Variants in MGAT4C observed in about 807,000 individuals in gnomAD.
The protein encoded by MGAT4C is MGAT4 family member C.
MGAT4C carries 19 observed loss-of-function variants against 40.1 expected under a neutral mutation model. The observed-to-expected ratio is 0.47, with a 90% confidence interval of 0.33 to 0.70. The LOEUF (loss-of-function observed/expected upper bound fraction) is 0.70. Ranked by LOEUF, MGAT4C falls within the 30% of genes least tolerant of loss-of-function variation. The pLI is 0.02. For synonymous variants in MGAT4C, 181 were observed against 187.1 expected, an observed-to-expected ratio of 0.97 and a Z score of 0.27; for missense variants, 491 against 563.2, an observed-to-expected ratio of 0.87 and a Z score of 1.30.
Position 86,446,904 on chromosome 12 carries a change from T to G in MGAT4C, c.-228-11639A>C, listed in dbSNP as rs111928898. On this transcript the variant is annotated intron_variant, in intron 2 of 7. Coordinates refer to the MGAT4C transcript ENST00000548651. ...AATATATAAAAATTGATATTCTAAATGCTTACCATTACTATGTCATGCACT... is the reference window on the plus strand; with the variant it reads ...AATATATAAAAATTGATATTCTAAAGGCTTACCATTACTATGTCATGCACT... Among the ~76,000 whole-genome samples, 1,012 of 151,854 alleles carry G rather than the reference T, an allele frequency of 6.7e-3. 11 individuals are homozygous for G. The highest frequency in any genetic ancestry group is 0.023 in the African/African-American group (965 of 41,416).
intron 2 of MGAT4C, among the ~76,000 whole-genome samples, chr12:86,524,767 T>C (rs1175983105): frequency 3.9e-5 from 6 of 152,178 alleles, no homozygotes; most frequent in African/African-American, 1.4e-4. Flanking sequence ...GTGTATTCCC[T>C]TATTTTTTTC....
chr12:86,509,956 T>G (rs1042933812), intron 2 of MGAT4C, among the ~76,000 whole-genome samples: 1 of 152,126 alleles, frequency 6.6e-6, no homozygotes, highest in African/African-American at 2.4e-5. Context: ...TTAAGGAGAT[T>G]TTGGGCTGAG....
Position 86,544,625 on chromosome 12 carries a change from C to T in MGAT4C, c.-228-109360G>A, listed in dbSNP as rs145291053. Among the ~76,000 whole-genome samples the T allele has an allele frequency of 7.2e-3, 1,090 of 152,126 alleles. 12 individuals carry two copies. The highest frequency in any genetic ancestry group is 0.013 in the Non-Finnish European group (861 of 67,952). On this transcript the variant is annotated intron_variant, in intron 2 of 7. Coordinates refer to the MGAT4C transcript ENST00000548651. ...AAGTGTACACAATGTGTTTTTGCTA[C>T]AATTAAGTACAGTATACATACAGTT...
At chr12:86,030,442 A>G (rs918789562) in intron 2 of MGAT4C, among the ~76,000 whole-genome samples, 1 of 151,740 alleles carries the variant, frequency 6.6e-6, no homozygotes, top group Non-Finnish European at 1.5e-5. Context: ...GTTCTACATG[A>G]GATAAAACAC....
intron 2 of MGAT4C, among the ~76,000 whole-genome samples, chr12:86,565,640 C>T (rs552415636): frequency 3.6e-4 from 55 of 152,302 alleles, no homozygotes; most frequent in Non-Finnish European, 3.7e-4. Context: ...TTAGAAAAAG[C>T]ATGATTAGAG....
chr12:86,823,675 G>A (rs956718715), intron 1 of MGAT4C, among the ~76,000 whole-genome samples: 1 of 151,048 alleles, frequency 6.6e-6, no homozygotes, highest in Non-Finnish European at 1.5e-5. Flanking sequence ...AGAGTTAAAA[G>A]GGATTAAGGA....
intron 1 of MGAT4C, among the ~76,000 whole-genome samples, chr12:86,122,874 A>T (rs1170218692): frequency 6.6e-6 from 1 of 152,190 alleles, no homozygotes; most frequent in African/African-American, 2.4e-5. Context: ...GTCAACACAG[A>T]TAAATTTTTA....
intron 2 of MGAT4C, among the ~76,000 whole-genome samples, chr12:86,631,332 A>T (rs1358542205): frequency 2.6e-5 from 4 of 152,136 alleles, no homozygotes; most frequent in African/African-American, 7.3e-5. Flanking sequence ...ATACTGTCCA[A>T]GGTAATTTCT....
At chr12:86,399,449 T>G (rs959997323) in intron 3 of MGAT4C, among the ~76,000 whole-genome samples, 7 of 151,380 alleles carry the variant, frequency 4.6e-5, no homozygotes, top group Non-Finnish European at 7.4e-5. Flanking sequence ...ACCCGGCTAA[T>G]TTTTTGTATT....
Position 86,492,003 on chromosome 12 carries a change from C to G in MGAT4C, c.-228-56738G>C, listed in dbSNP as rs1001445170. On this transcript the variant is annotated intron_variant, in intron 2 of 7. Coordinates refer to the MGAT4C transcript ENST00000548651. ...CACAAGCATTCTTATACACCAATAA[C>G]AGACAAACAGAGAGCCAAATCACGA... Among the ~76,000 whole-genome samples, 244 of 152,242 alleles carry G rather than the reference C, an allele frequency of 1.6e-3. 1 individual carries two copies. The highest frequency in any genetic ancestry group is 5.5e-3 in the African/African-American group (230 of 41,546).
intron 2 of MGAT4C, among the ~76,000 whole-genome samples, chr12:86,585,595 G>A (rs1173857841): frequency 6.6e-6 from 1 of 151,330 alleles, no homozygotes; most frequent in African/African-American, 2.4e-5. Context: ...GTGATGACTT[G>A]AAGTTCTCAG....
At chr12:86,594,049 G>A (rs1162354273) in intron 2 of MGAT4C, among the ~76,000 whole-genome samples, 2 of 152,252 alleles carry the variant, frequency 1.3e-5, no homozygotes, top group African/African-American at 2.4e-5. Flanking sequence ...GGACAATGGC[G>A]GTTAGGGTTC....
chr12:86,217,468 G>A (rs916786113), intron 1 of MGAT4C, among the ~76,000 whole-genome samples: 1 of 152,170 alleles, frequency 6.6e-6, no homozygotes, highest in Non-Finnish European at 1.5e-5. Flanking sequence ...TTATCACAAA[G>A]AGAGGCTAAA....
intron 3 of MGAT4C, among the ~76,000 whole-genome samples, chr12:86,347,223 C>A (rs1294922526): frequency 1.3e-5 from 2 of 152,122 alleles, no homozygotes; most frequent in Admixed American, 6.6e-5. Context: ...TCCCTCTAGA[C>A]AAACCTGACT....
chr12:85,990,905 G>A (rs148743082), intron 2 of MGAT4C, among the ~76,000 whole-genome samples: 1 of 152,306 alleles, frequency 6.6e-6, no homozygotes, highest in East Asian at 1.9e-4. Context: ...ATGAGAAGTG[G>A]TAAAAATAAT....
intron 1 of MGAT4C, among the ~76,000 whole-genome samples, chr12:86,230,936 G>C (rs1951295593): frequency 6.8e-6 from 1 of 147,776 alleles, no homozygotes; most frequent in African/African-American, 2.5e-5. Flanking sequence ...ATTATATTAT[G>C]AACAGTTCAT....
Position 85,973,289 on chromosome 12 carries a change from C to T in MGAT4C, c.*6000G>A, listed in dbSNP as rs992153261. The T allele has an allele frequency of 2.0e-5, 3 of 150,830 alleles. No individual in the cohort carries two copies. The highest frequency in any genetic ancestry group is 7.3e-5 in the African/African-American group (3 of 41,334). 9.3% of individuals were successfully genotyped at this position (150,830 alleles called of 1,614,324 possible). ...GCTTTCAATTATGAACACTCTCAGC[C>T]TCTATTGCTTTATATATGCATTTAT... On this transcript the variant is annotated 3_prime_UTR_variant, in exon 5 of 5. Transcript: ENST00000611864.
intron 1 of MGAT4C, among the ~76,000 whole-genome samples, chr12:86,825,592 T>C (rs1952791328): frequency 6.6e-6 from 1 of 151,456 alleles, no homozygotes; most frequent in Non-Finnish European, 1.5e-5. Flanking sequence ...TATACACAGA[T>C]ACATTTGTAG....
intron 1 of MGAT4C, among the ~76,000 whole-genome samples, chr12:86,187,276 C>T (rs1476379791): frequency 6.6e-6 from 1 of 151,932 alleles, no homozygotes; most frequent in African/African-American, 2.4e-5. Context: ...CAGCTGGAGC[C>T]CTCCATTATT....
Sources: allele counts gnomAD v4.1 joint callset (sites outside exome capture counted in the v4.1 genomes callset), GRCh38; gene constraint gnomAD v4.1.1; transcripts MANE v1.5; gene names NCBI Gene and HGNC (gene_info 2026-07-23, HGNC 2026-07-21).